The following SNAPC1 variants were observed in gnomAD, a reference collection of about 807,000 sequenced individuals.
SNAPC1 encodes small nuclear RNA activating complex polypeptide 1.
Under a neutral mutation model 50.1 loss-of-function variants are expected in SNAPC1, and 42 were observed. The observed-to-expected ratio is 0.84, with a 90% CI of 0.65 to 1.08. SNAPC1 has a LOEUF of 1.08. Among genes scored for constraint, SNAPC1 ranks in the 50% least tolerant of loss-of-function variants. The pLI, the probability that SNAPC1 is intolerant of heterozygous loss-of-function variation, is 0.00. For missense variants in SNAPC1, 477 were observed against 427.3 expected, an observed-to-expected ratio of 1.12 and a Z score of -1.02; for synonymous variants, 164 against 144.2, an observed-to-expected ratio of 1.14 and a Z score of -0.98.
At chr14:61,764,338 A>G (rs1448677209) in intron 1 of SNAPC1, among the ~76,000 whole-genome samples, 2 of 152,140 alleles carry the variant, frequency 1.3e-5, no homozygotes, top group Non-Finnish European at 2.9e-5. Context: ...GTAAAAACTC[A>G]TTTTCTCTCT....
intron 4 of SNAPC1, among the ~76,000 whole-genome samples, chr14:61,771,990 G>A (rs537332223): frequency 6.6e-6 from 1 of 152,278 alleles, no homozygotes; most frequent in South Asian, 2.1e-4. Context: ...GAGAAATGCT[G>A]ATGTGAATCA....
chr14:61,777,517 G>C (rs770299411), intron 5 of SNAPC1, among the ~76,000 whole-genome samples: 1 of 152,008 alleles, frequency 6.6e-6, no homozygotes, highest in Non-Finnish European at 1.5e-5. Context: ...AACTGGGTTT[G>C]CAGACACGTG....
intron 1 of SNAPC1, among the ~76,000 whole-genome samples, chr14:61,764,134 A>G (rs1201263110): frequency 1.3e-5 from 2 of 152,094 alleles, no homozygotes; most frequent in Non-Finnish European, 2.9e-5. Flanking sequence ...GGATTTCACC[A>G]TGTTGGCCAG....
At chr14:61,763,091 A>C (rs1283644001) in intron 1 of SNAPC1, among the ~76,000 whole-genome samples, 3 of 137,820 alleles carry the variant, frequency 2.2e-5, no homozygotes, top group African/African-American at 8.0e-5. Context: ...TCTCAGGTTC[A>C]AGTGATTCTC....
chr14:61,762,613 G>A, intron 1 of SNAPC1, 25 bp downstream of exon 1: 1 of 1,611,500 alleles, frequency 6.2e-7, no homozygotes, highest in Non-Finnish European at 8.5e-7. Flanking sequence ...TCCACCACCC[G>A]CCTCTCCCTG....
At chr14:61,778,191 G>T in intron 6 of SNAPC1, 51 bp downstream of exon 6, 1 of 1,049,914 alleles carries the variant, frequency 9.5e-7, no homozygotes, top group South Asian at 1.4e-5. Flanking sequence ...TCTGTATACT[G>T]AGCATTGTGA....
chr14:61,767,461 AC>A (rs2044956647), intron 3 of SNAPC1, 109 bp downstream of exon 3: 1 of 655,650 alleles, frequency 1.5e-6, no homozygotes, highest in Non-Finnish European at 2.2e-6. Flanking sequence ...AGTGTTCAAG[AC>A]TTTTAGCTTT....
chr14:61,776,576 C>G (rs2045036829), intron 5 of SNAPC1, among the ~76,000 whole-genome samples: 1 of 152,102 alleles, frequency 6.6e-6, no homozygotes, highest in Non-Finnish European at 1.5e-5. Flanking sequence ...ATCCTGCACA[C>G]AGATGTGTTT....
chr14:61,786,490 C>T (rs2045116663), intron 8 of SNAPC1, among the ~76,000 whole-genome samples: 1 of 152,148 alleles, frequency 6.6e-6, no homozygotes, highest in African/African-American at 2.4e-5. Flanking sequence ...ATGGCTAAAA[C>T]ATTTCACCAA....
intron 8 of SNAPC1, among the ~76,000 whole-genome samples, chr14:61,785,437 T>G (rs952449176): frequency 2.0e-5 from 3 of 152,104 alleles, no homozygotes; most frequent in African/African-American, 7.2e-5. Flanking sequence ...GACACAAGTT[T>G]CCAAAACTGA....
chr14:61,778,891 C>G lies in SNAPC1; in HGVS notation c.806C>G (p.Ala269Gly), dbSNP rs560586315. Residue 269 changes from alanine to glycine, a missense_variant, in exon 7 of 10, where the codon GCC becomes GGC. By Grantham distance (60) the Ala-to-Gly change is moderately conservative. Transcript: ENST00000216294. Reference protein sequence around the residue: ...AESLAKIKSKAFSVVIQASKS... With the variant: ...AESLAKIKSKGFSVVIQASKS... ...TCATTAGCGAAAATAAAATCAAAGG[C>G]CTTTTCAGTTGTCATACAGGTAAGT... 1.3e-6 allele frequency: 2 copies of G among 1,554,694 alleles called. No homozygotes were observed. Among genetic ancestry groups the G allele is most frequent in the South Asian group, 2.4e-5 (2 of 81,994 alleles).
At chr14:61,778,009 C>T in intron 5 of SNAPC1, 63 bp from the exon 6 acceptor site, 1 of 716,678 alleles carries the variant, frequency 1.4e-6, no homozygotes, top group Non-Finnish European at 2.2e-6. Context: ...AATTGATTTG[C>T]AGTTAATTGA....
At chr14:61,794,269 A>G (rs1478140126) in intron 9 of SNAPC1, among the ~76,000 whole-genome samples, 1 of 152,182 alleles carries the variant, frequency 6.6e-6, no homozygotes, top group Non-Finnish European at 1.5e-5. Context: ...CCCATATGAA[A>G]CAACTTCACA....
intron 8 of SNAPC1, among the ~76,000 whole-genome samples, chr14:61,791,283 T>A (rs1196759916): frequency 6.6e-6 from 1 of 152,218 alleles, no homozygotes; most frequent in Non-Finnish European, 1.5e-5. Context: ...GTGCTGGGAT[T>A]ACAGGCATGA....
intron 8 of SNAPC1, among the ~76,000 whole-genome samples, chr14:61,785,493 T>G (rs995666884): frequency 6.6e-6 from 1 of 152,158 alleles, no homozygotes; most frequent in Non-Finnish European, 1.5e-5. Flanking sequence ...CCCCAGAATA[T>G]CTGAGACAGG....
chr14:61,782,398 G>T lies in SNAPC1; in HGVS notation c.976+1G>T. ...AGGAAGATGTCTCTCAGAAACAAAG[G>T]TAACTTTTTAAAGTCTTACTAAGAT... On this transcript the variant is annotated splice_donor_variant, in intron 8 of 9. Coordinates refer to ENST00000216294, the MANE Select transcript of SNAPC1 (RefSeq NM_003082.4). LOFTEE classifies it high-confidence loss of function. 6.2e-7 allele frequency: 1 copy of T among 1,604,480 alleles called. No individual in the cohort carries two copies. The highest frequency in any genetic ancestry group is 8.5e-7 in the Non-Finnish European group (1 of 1,176,914).
At chr14:61,762,629 A>C in intron 1 of SNAPC1, 41 bp downstream of exon 1, 4 of 1,610,670 alleles carry the variant, frequency 2.5e-6, no homozygotes, top group Non-Finnish European at 3.4e-6. Context: ...CCCTGCCCGC[A>C]GGTGGTGTAG....
intron 9 of SNAPC1, among the ~76,000 whole-genome samples, chr14:61,794,688 G>A (rs796579380): frequency 2.0e-5 from 3 of 152,122 alleles, no homozygotes; most frequent in African/African-American, 7.2e-5. Flanking sequence ...GATTATAGGC[G>A]TGAGCCACTG....
chr14:61,782,914 CAAAAA>C (rs201280894), intron 8 of SNAPC1, among the ~76,000 whole-genome samples: 1 of 148,538 alleles, frequency 6.7e-6, no homozygotes, highest in Admixed American at 6.7e-5. Flanking sequence ...AACAAACAAA[CAAAAA>C]AAGAAATTTA....
Sources: gnomAD v4.1 joint callset for allele counts (sites outside exome capture counted in the v4.1 genomes callset) on GRCh38, gnomAD v4.1.1 for gene constraint, MANE v1.5 for transcripts, NCBI Gene and HGNC (gene_info 2026-07-23, HGNC 2026-07-21) for gene names.